The following POMT2 variants were observed in gnomAD, a reference collection of about 807,000 sequenced individuals.
POMT2 encodes the protein protein O-mannosyl-transferase 2.
A neutral mutation model predicts 100.0 loss-of-function variants in POMT2; 75 were observed. That is an observed-to-expected ratio of 0.75 (90% CI 0.62 to 0.91). The LOEUF is 0.91. POMT2 is among the 40% of genes least tolerant of loss of function. The probability of loss-of-function intolerance (pLI) is 0.00; values close to 1 mark genes in which losing one functional copy is unlikely to be tolerated. For synonymous variants in POMT2, 378 were observed against 374.1 expected, an observed-to-expected ratio of 1.01 and a Z score of -0.12; for missense variants, 940 against 955.1, an observed-to-expected ratio of 0.98 and a Z score of 0.21.
Position 77,299,555 on chromosome 14 carries a change from C to T in POMT2, c.823G>A (p.Val275Met). The change falls in exon 7 of 21, where the codon GTG (valine) becomes ATG (methionine). Residue 275 changes from valine to methionine, a missense_variant. Transcript: ENST00000261534. ...ACACGAGCAGTCAGGTGTTTTCCCA[C>T]AGTCACCTGCAAACAGAGGCCAGCG... ...FGDLSLSLVT[V>M]GKHLTARVLC... is the part of the protein sequence containing the mutation. 2 of 1,614,084 alleles carry T rather than the reference C, an allele frequency of 1.2e-6. No individual in the cohort carries two copies. Among genetic ancestry groups the T allele is most frequent in the Non-Finnish European group, 1.7e-6 (2 of 1,179,938 alleles).
intron 8 of POMT2, among the ~76,000 whole-genome samples, chr14:77,296,729 T>G (rs1231738792): frequency 6.6e-6 from 1 of 152,236 alleles, no homozygotes; most frequent in Non-Finnish European, 1.5e-5. Context: ...TCAATGGTGT[T>G]TTGTTTTACT....
intron 1 of POMT2, among the ~76,000 whole-genome samples, chr14:77,314,136 C>G (rs912970537): frequency 2.6e-5 from 4 of 152,194 alleles, no homozygotes; most frequent in African/African-American, 9.6e-5. Flanking sequence ...CTCCTCCAGG[C>G]CTTGCAAGGT....
At chr14:77,288,673 T>C (rs1890528077) in intron 11 of POMT2, 89 bp downstream of exon 11, 3 of 1,171,934 alleles carry the variant, frequency 2.6e-6, no homozygotes, top group Non-Finnish European at 3.8e-6. Context: ...CAGAGCCTCA[T>C]CAAAATCTAA....
intron 9 of POMT2, among the ~76,000 whole-genome samples, 196 bp downstream of exon 9, chr14:77,295,968 G>C (rs1216318368): frequency 6.6e-6 from 1 of 152,100 alleles, no homozygotes; most frequent in African/African-American, 2.4e-5. Context: ...GGAGAGGTGG[G>C]ACATGGTTGT....
At position 77,279,859 on chromosome 14, in the gene POMT2, T is replaced by C. The variant is rs1890143383; in HGVS notation, c.1855A>G (p.Met619Val). 3 of 1,613,830 alleles carry C rather than the reference T, an allele frequency of 1.9e-6. No individual in the cohort carries two copies. Among genetic ancestry groups the C allele is most frequent in the South Asian group, 1.1e-5 (1 of 91,074 alleles). Residue 619 changes from methionine (M) to valine (V), a missense_variant, in exon 18 of 21, where the codon ATG (methionine) becomes GTG (valine). Met to Val is a conservative substitution (Grantham distance 21). Transcript: ENST00000261534. ...GCTGGCAGCCGTGCCCCTCTCTGCA[T>C]GGCTACAGCAATGATGCTCCCTGAG... ...LLSGSIIAVAMQRGARLPAEV... is the reference protein window; with the variant it reads ...LLSGSIIAVAVQRGARLPAEV...
intron 9 of POMT2, among the ~76,000 whole-genome samples, chr14:77,294,856 AG>A (rs1262528032): frequency 1.3e-5 from 2 of 152,244 alleles, no homozygotes; most frequent in African/African-American, 4.8e-5. Flanking sequence ...AGCAACTAAA[AG>A]GGAAATAAAA....
Position 77,299,441 on chromosome 14 carries a change from G to T in POMT2, c.923+14C>A. 1 of 1,609,356 alleles carries T rather than the reference G, an allele frequency of 6.2e-7. No homozygotes were observed. Among genetic ancestry groups the T allele is most frequent in the Non-Finnish European group, 8.5e-7 (1 of 1,175,860 alleles). On this transcript the variant is annotated intron_variant, in intron 7 of 20. Transcript: ENST00000261534. ...AAAACCAGAAGCAAGATGCTGCAAA[G>T]GCTCTGTCTGTACCTTTTACTCAGC...
intron 1 of POMT2, among the ~76,000 whole-genome samples, chr14:77,313,729 CAG>C (rs1158816842): frequency 9.9e-5 from 15 of 152,216 alleles, no homozygotes; most frequent in Non-Finnish European, 2.2e-4. Context: ...TTTTTTGAGA[CAG>C]AGTTTCACTC....
intron 9 of POMT2, 119 bp from the exon 10 acceptor site, chr14:77,291,499 T>G: frequency 5.8e-6 from 8 of 1,391,292 alleles, no homozygotes; most frequent in African/African-American, 1.4e-5. Context: ...AATTTCAGAA[T>G]CCCCAGCCAC....
intron 1 of POMT2, among the ~76,000 whole-genome samples, chr14:77,316,566 T>TAAA (rs60771363): frequency 7.7e-5 from 6 of 77,578 alleles, no homozygotes; most frequent in Admixed American, 3.1e-4. Flanking sequence ...ATCTCATCTC[T>TAAA]AAAAAAAAAA....
intron 14 of POMT2, chr14:77,284,320 C>T (rs962894534): frequency 1.2e-5 from 3 of 240,666 alleles, no homozygotes; most frequent in African/African-American, 6.8e-5. Context: ...GTCCACAGGG[C>T]CCCATGTGGT....
At position 77,298,778 on chromosome 14, in the gene POMT2, G is replaced by A. The variant is rs112652375; in HGVS notation, c.924-7C>T. On this transcript the variant is annotated splice_region_variant and splice_polypyrimidine_tract_variant and intron_variant, in intron 7 of 20. Transcript: ENST00000261534. ...GAAACCGTCACCAGGGCCACTGTGG[G>A]GAGAGGAAGAGCAGAAGAGAGTCAA... The A allele has an allele frequency of 7.4e-6, 12 of 1,611,114 alleles. No individual in the cohort carries two copies. The African/African-American group carries it at 8.0e-5, about 11-fold the overall frequency.
At chr14:77,284,164 G>A (rs1394821797) in intron 14 of POMT2, 5 of 428,804 alleles carry the variant, frequency 1.2e-5, no homozygotes, top group African/African-American at 1.0e-4. Flanking sequence ...CTCAAATGCT[G>A]CTCTCCTATT....
chr14:77,300,810 ACT>A (rs1891005714), intron 6 of POMT2: 1 of 396,284 alleles, frequency 2.5e-6, no homozygotes, highest in Admixed American at 3.9e-5. Context: ...ACAGAGTGAA[ACT>A]CTATCTCAAA....
At chr14:77,306,517 G>A in intron 2 of POMT2, 76 bp from the exon 3 acceptor site, 1 of 1,543,658 alleles carries the variant, frequency 6.5e-7, no homozygotes, top group Non-Finnish European at 8.9e-7. Context: ...CTTCCCTCCA[G>A]CTGCACCCAC....
intron 5 of POMT2, 109 bp from the exon 6 acceptor site, chr14:77,301,358 T>C: frequency 1.4e-6 from 2 of 1,424,776 alleles, no homozygotes; most frequent in South Asian, 1.2e-5. Context: ...TGCTGTGCCC[T>C]GTCTTGGGGG....
chr14:77,303,589 C>T (rs1891128544), intron 4 of POMT2, among the ~76,000 whole-genome samples: 1 of 152,068 alleles, frequency 6.6e-6, no homozygotes, highest in African/African-American at 2.4e-5. Context: ...CACAGAGGTC[C>T]ACACCAGAAC....
At chr14:77,296,551 A>C in intron 8 of POMT2, 1 of 461,656 alleles carries the variant, frequency 2.2e-6, no homozygotes. Context: ...AAAGACGAAA[A>C]ACAACTTGTC....
At chr14:77,286,936 G>C in intron 11 of POMT2, 114 bp from the exon 12 acceptor site, 1 of 1,554,240 alleles carries the variant, frequency 6.4e-7, no homozygotes. Context: ...ATTAGAATCT[G>C]AACTATTAAA....
Sources: allele counts gnomAD v4.1 joint callset (sites outside exome capture counted in the v4.1 genomes callset), GRCh38; gene constraint gnomAD v4.1.1; transcripts MANE v1.5; gene names NCBI Gene and HGNC (gene_info 2026-07-23, HGNC 2026-07-21).